The following LCORL variants were observed in gnomAD, a reference collection of about 807,000 sequenced individuals.
The protein encoded by LCORL is ligand-dependent nuclear receptor corepressor-like protein.
In LCORL, 41 loss-of-function variants were observed where a neutral mutation model predicts 141.8. The ratio of observed to expected loss-of-function variants is 0.29; its 90% CI spans 0.23 to 0.38. The LOEUF is 0.38. Ranked by LOEUF, LCORL falls within the 10% of genes least tolerant of loss-of-function variation. LCORL has a pLI of 1.00. For missense variants in LCORL, 1,759 were observed against 2,035.0 expected (o/e 0.86, Z 2.61); for synonymous variants, 618 against 694.1 (o/e 0.89, Z 1.72).
Position 17,881,307 on chromosome 4 carries a change from G to A in LCORL, c.777-3094C>T, listed in dbSNP as rs183550674. The A allele has an allele frequency of 5.1e-6, 5 of 980,116 alleles. No individual in the cohort carries two copies. In the African/African-American group the frequency reaches 8.8e-5, roughly 17 times the overall value. 60.7% of individuals were successfully genotyped at this position (980,116 alleles called of 1,614,324 possible). On this transcript the variant is annotated intron_variant, in intron 6 of 7. Transcript: ENST00000635767. ...AGTAACTGGTAACTAAATTCATAAAGTACTTTGAAAGTTTAACATAAAGGT... is the reference window on the plus strand; with the variant it reads ...AGTAACTGGTAACTAAATTCATAAAATACTTTGAAAGTTTAACATAAAGGT...
At chr4:17,927,623 G>T (rs987039755) in intron 4 of LCORL, among the ~76,000 whole-genome samples, 2 of 152,072 alleles carry the variant, frequency 1.3e-5, no homozygotes, top group African/African-American at 4.8e-5. Context: ...GTTATTAACA[G>T]GCCTAACTTC....
chr4:17,961,813 G>T, intron 4 of LCORL, 90 bp downstream of exon 4: 1 of 948,952 alleles, frequency 1.1e-6, no homozygotes. Flanking sequence ...GAAGTAGAGA[G>T]ACTGACATAT....
intron 7 of LCORL, among the ~76,000 whole-genome samples, chr4:17,871,536 A>G (rs1726330430): frequency 6.6e-6 from 1 of 152,030 alleles, no homozygotes; most frequent in Non-Finnish European, 1.5e-5. Context: ...AGATACAATG[A>G]TTAAGAAGCT....
intron 1 of LCORL, among the ~76,000 whole-genome samples, chr4:18,000,049 C>T (rs1331331204): frequency 6.6e-6 from 1 of 151,778 alleles, no homozygotes; most frequent in Non-Finnish European, 1.5e-5. Flanking sequence ...TTTAAGGTAA[C>T]TCTGCACATC....
In LCORL at chr4:17,876,967, A is replaced by G. The variant is rs76264386; in HGVS notation, c.2023T>C (p.Ser675Pro). ...TGAAGTCTTTTAGAATTTTGTAAAG[A>G]AGGCCCTTGGTCATGATAGAATTCT... Residue 675 changes from serine (S) to proline (P), a missense_variant, in exon 7 of 8, where the codon TCT becomes CCT. By Grantham distance (74) the Ser-to-Pro change is moderately conservative (BLOSUM62 -1). Transcript: ENST00000635767. The G allele has an allele frequency of 8.7e-3, 10,658 of 1,230,672 alleles. 446 individuals are homozygous for G. The East Asian group carries it at 0.16, about 18-fold the overall frequency. 76.2% of individuals were successfully genotyped at this position (1,230,672 alleles called of 1,614,324 possible).
chr4:18,001,850 T>C (rs975946851), intron 1 of LCORL, among the ~76,000 whole-genome samples: 1 of 151,588 alleles, frequency 6.6e-6, no homozygotes, highest in Non-Finnish European at 1.5e-5. Context: ...ATAAAACAAA[T>C]TTTTTTTAAA....
chr4:17,974,636 T>C (rs1415893330), intron 1 of LCORL, among the ~76,000 whole-genome samples: 1 of 152,068 alleles, frequency 6.6e-6, no homozygotes, highest in Non-Finnish European at 1.5e-5. Flanking sequence ...GGTAACAGAG[T>C]AATGCTGGCC....
intron 4 of LCORL, among the ~76,000 whole-genome samples, chr4:17,945,460 G>A (rs181548498): frequency 8.6e-5 from 13 of 151,328 alleles, no homozygotes; most frequent in Admixed American, 7.3e-4. Flanking sequence ...AGAATATATG[G>A]AGTATACAGA....
intron 5 of LCORL, among the ~76,000 whole-genome samples, chr4:17,907,229 A>G (rs1731781278): frequency 1.3e-5 from 2 of 152,180 alleles, no homozygotes; most frequent in Admixed American, 6.5e-5. Context: ...CTATCACGTT[A>G]CTTCTAAGGC....
intron 4 of LCORL, among the ~76,000 whole-genome samples, chr4:17,958,845 A>T (rs1713207631): frequency 6.6e-6 from 1 of 152,020 alleles, no homozygotes; most frequent in South Asian, 2.1e-4. Context: ...CAATAAACAA[A>T]ACAAAGTCCC....
At chr4:17,937,281 G>A (rs1359407251) in intron 4 of LCORL, among the ~76,000 whole-genome samples, 3 of 151,950 alleles carry the variant, frequency 2.0e-5, no homozygotes, top group Non-Finnish European at 2.9e-5. Flanking sequence ...ACAACTCAAC[G>A]AAACAAGCTC....
intron 1 of LCORL, among the ~76,000 whole-genome samples, chr4:18,019,837 A>C (rs1231000297): frequency 6.6e-6 from 1 of 152,198 alleles, no homozygotes; most frequent in Non-Finnish European, 1.5e-5. Context: ...GTAATTTCTA[A>C]ATTGGTTTCC....
intron 7 of LCORL, among the ~76,000 whole-genome samples, chr4:17,850,710 G>A (rs1359030591): frequency 6.6e-6 from 1 of 151,456 alleles, no homozygotes; most frequent in Non-Finnish European, 1.5e-5. Flanking sequence ...CATTGTGGAA[G>A]TCAGTGTGGC....
chr4:17,922,148 A>G (rs954570557), intron 4 of LCORL, among the ~76,000 whole-genome samples: 1 of 152,142 alleles, frequency 6.6e-6, no homozygotes, highest in Non-Finnish European at 1.5e-5. Context: ...TTTCATATAT[A>G]CATCTATCCT....
exon 7 of LCORL, chr4:17,875,213 A>G (rs2109180590): frequency 8.1e-7 from 1 of 1,231,746 alleles, no homozygotes; most frequent in East Asian, 3.2e-5. Context: ...TAATAGTCAC[A>G]GATATGCCAG....
intron 7 of LCORL, among the ~76,000 whole-genome samples, chr4:17,851,508 T>C (rs1723708975): frequency 6.6e-6 from 1 of 152,208 alleles, no homozygotes; most frequent in African/African-American, 2.4e-5. Context: ...TGGATACTGT[T>C]TCATATTTGT....
At chr4:18,013,994 G>T (rs547320295) in intron 1 of LCORL, among the ~76,000 whole-genome samples, 1 of 152,028 alleles carries the variant, frequency 6.6e-6, no homozygotes, top group East Asian at 1.9e-4. Context: ...TTTTATTAGA[G>T]ATGGGGTTGT....
rs531777891 is a variant in LCORL, at chr4:17,946,631, T to C, written c.430+15272A>G. ...AAGATCAGTACTCTTAAGAAGATAA[T>C]GACAAAATAGTATCTAAAATTGACA... On this transcript the variant is annotated intron_variant, in intron 4 of 7. Coordinates refer to ENST00000635767, the Ensembl canonical transcript of LCORL. Among the ~76,000 whole-genome samples the C allele has an allele frequency of 1.2e-4, 19 of 152,046 alleles. No homozygotes were observed. In the South Asian group the frequency reaches 3.9e-3, roughly 31 times the overall value.
intron 4 of LCORL, among the ~76,000 whole-genome samples, chr4:17,919,267 C>CATAA (rs1733936725): frequency 6.6e-6 from 1 of 151,898 alleles, no homozygotes; most frequent in Non-Finnish European, 1.5e-5. Context: ...AAAAATTTAC[C>CATAA]CCAAAGAGAG....
Sources: gnomAD v4.1 joint callset for allele counts (sites outside exome capture counted in the v4.1 genomes callset) on GRCh38, gnomAD v4.1.1 for gene constraint, MANE v1.5 for transcripts, NCBI Gene and HGNC (gene_info 2026-07-23, HGNC 2026-07-21) for gene names.